FARP1: variants seen among roughly 807,000 people sequenced by gnomAD.
FARP1 encodes FERM, ARHGEF and pleckstrin domain-containing protein 1.
A neutral mutation model predicts 128.8 loss-of-function variants in FARP1; 52 were observed. The ratio of observed to expected loss-of-function variants is 0.40; its 90% CI spans 0.32 to 0.51. The LOEUF (loss-of-function observed/expected upper bound fraction) is 0.51, where lower values mean the gene tolerates loss of function less well. Ranked by LOEUF, FARP1 falls within the 20% of genes least tolerant of loss-of-function variation. FARP1 has a pLI of 0.45. For synonymous variants in FARP1, 580 were observed against 551.8 expected, an observed-to-expected ratio of 1.05 and a Z score of -0.72; for missense variants, 1,333 against 1,367.9, an observed-to-expected ratio of 0.97 and a Z score of 0.40.
At chr13:98,209,918 G>A (rs1019195152) in intron 1 of FARP1, among the ~76,000 whole-genome samples, 5 of 151,018 alleles carry the variant, frequency 3.3e-5, no homozygotes, top group Non-Finnish European at 7.4e-5. Flanking sequence ...GGAGGTGGAG[G>A]TTGCAGTGAG....
At chr13:98,144,650 C>G (rs1438630641) in intron 1 of FARP1, among the ~76,000 whole-genome samples, 1 of 152,198 alleles carries the variant, frequency 6.6e-6, no homozygotes, top group Non-Finnish European at 1.5e-5. Flanking sequence ...GTGCTTTGCA[C>G]GTGGTGACTT....
chr13:98,380,218 G>A (rs1183953894), intron 6 of FARP1, among the ~76,000 whole-genome samples: 4 of 152,126 alleles, frequency 2.6e-5, no homozygotes, highest in Admixed American at 6.5e-5. Context: ...AGGCCGAGGC[G>A]GGCGGATCAC....
chr13:98,437,431 A>G (rs1892315631), intron 19 of FARP1, among the ~76,000 whole-genome samples: 1 of 150,176 alleles, frequency 6.7e-6, no homozygotes, highest in Admixed American at 6.6e-5. Context: ...AAAGAAAGGC[A>G]GGCTTATTCG....
intron 18 of FARP1, chr13:98,434,107 G>C (rs942789418): frequency 6.6e-6 from 1 of 152,274 alleles, no homozygotes; most frequent in Non-Finnish European, 1.5e-5. Context: ...GAGAGTGCTA[G>C]CTAGCTTAAA....
chr13:98,197,421 G>T (rs1399676277), intron 1 of FARP1, among the ~76,000 whole-genome samples: 1 of 151,710 alleles, frequency 6.6e-6, no homozygotes, highest in Non-Finnish European at 1.5e-5. Context: ...AGCTGAGATC[G>T]CGCCATTGCA....
At chr13:98,365,003 T>C (rs1889025023) in intron 3 of FARP1, among the ~76,000 whole-genome samples, 2 of 152,248 alleles carry the variant, frequency 1.3e-5, no homozygotes. Flanking sequence ...TGTGCTGTTC[T>C]AGACACTCAC....
chr13:98,183,676 T>C (rs1332697319), intron 1 of FARP1, among the ~76,000 whole-genome samples: 1 of 152,138 alleles, frequency 6.6e-6, no homozygotes, highest in African/African-American at 2.4e-5. Flanking sequence ...CAGTGGTCGC[T>C]CATCTTTGAA....
chr13:98,227,184 C>T (rs549977703), intron 2 of FARP1, among the ~76,000 whole-genome samples: 1 of 152,102 alleles, frequency 6.6e-6, no homozygotes, highest in Non-Finnish European at 1.5e-5. Context: ...CCTCATGATC[C>T]GCCCGCCTTG....
At chr13:98,236,414 A>G (rs1882422989) in intron 2 of FARP1, among the ~76,000 whole-genome samples, 1 of 152,234 alleles carries the variant, frequency 6.6e-6, no homozygotes, top group Non-Finnish European at 1.5e-5. Flanking sequence ...CGGAAAATGC[A>G]TAGACGTTGC....
At chr13:98,286,913 T>C (rs2390035) in intron 2 of FARP1, among the ~76,000 whole-genome samples, 96,884 of 152,112 alleles carry the variant, frequency 0.64, 34,383 homozygotes, top group Non-Finnish European at 0.77. Context: ...CAGTCAGATT[T>C]TGTTTCCATG....
intron 2 of FARP1, among the ~76,000 whole-genome samples, chr13:98,242,219 C>T (rs1331377996): frequency 3.3e-5 from 5 of 152,234 alleles, no homozygotes; most frequent in South Asian, 2.1e-4. Context: ...TATGAATGTT[C>T]GTAGCGTACT....
intron 2 of FARP1, among the ~76,000 whole-genome samples, chr13:98,251,904 G>T (rs61970238): frequency 2.0e-5 from 3 of 152,204 alleles, no homozygotes; most frequent in Non-Finnish European, 4.4e-5. Context: ...AGGGTGTGCA[G>T]TGACGCAATC....
At chr13:98,380,838 C>T (rs1889865878) in intron 6 of FARP1, among the ~76,000 whole-genome samples, 2 of 152,208 alleles carry the variant, frequency 1.3e-5, no homozygotes, top group African/African-American at 4.8e-5. Context: ...CTTGGCCTCA[C>T]AAAGTGCTGG....
chr13:98,272,457 C>G (rs368380464), intron 2 of FARP1, among the ~76,000 whole-genome samples: 4 of 152,168 alleles, frequency 2.6e-5, no homozygotes, highest in Admixed American at 2.0e-4. Flanking sequence ...GGAACCCGTT[C>G]GTGAAATGCA....
At chr13:98,226,332 T>C (rs925469907) in intron 2 of FARP1, among the ~76,000 whole-genome samples, 9 of 152,214 alleles carry the variant, frequency 5.9e-5, no homozygotes, top group Admixed American at 5.2e-4. Flanking sequence ...GCTGCGCAAG[T>C]GTTTCTGTAT....
rs181273370 is a variant in FARP1 at position 98,446,276 on chromosome 13, T to C, written c.2904+71T>C. The C allele has an allele frequency of 2.0e-3, 1,904 of 964,710 alleles. 8 individuals carry two copies. The highest frequency in any genetic ancestry group is 2.3e-3 in the Non-Finnish European group (1,399 of 611,078). 59.8% of individuals were successfully genotyped at this position (964,710 alleles called of 1,614,324 possible). On this transcript the variant is annotated intron_variant, in intron 25 of 26. Transcript: ENST00000319562. ...GCAGCATGAGGTGAGGGGGCCGCCC[T>C]CCTCTGGAATGACTCAGGCCTCTTG...
At chr13:98,267,575 A>T (rs529992004) in intron 2 of FARP1, among the ~76,000 whole-genome samples, 1 of 152,222 alleles carries the variant, frequency 6.6e-6, no homozygotes, top group African/African-American at 2.4e-5. Flanking sequence ...CAGTTTCTAT[A>T]TCCTTATTGG....
intron 2 of FARP1, among the ~76,000 whole-genome samples, chr13:98,226,055 A>G (rs1389236343): frequency 2.6e-5 from 4 of 152,142 alleles, no homozygotes; most frequent in African/African-American, 9.7e-5. Flanking sequence ...ACATTTGTTG[A>G]ATTATGGAGT....
At chr13:98,360,976 G>A (rs1888847106) in intron 3 of FARP1, among the ~76,000 whole-genome samples, 2 of 152,294 alleles carry the variant, frequency 1.3e-5, no homozygotes. Flanking sequence ...ATCGGTAACT[G>A]GTTTCTGTGT....
Sources: gnomAD v4.1 joint callset for allele counts (sites outside exome capture counted in the v4.1 genomes callset) on GRCh38, gnomAD v4.1.1 for gene constraint, MANE v1.5 for transcripts, NCBI Gene and HGNC (gene_info 2026-07-23, HGNC 2026-07-21) for gene names.